Variants in KCNIP1 observed in about 807,000 individuals in gnomAD.
KCNIP1 encodes the protein A-type potassium channel modulatory protein KCNIP1.
KCNIP1 carries 18 observed loss-of-function variants against 33.0 expected under a neutral mutation model. That is an observed-to-expected ratio of 0.55 (90% CI 0.38 to 0.81). The LOEUF (loss-of-function observed/expected upper bound fraction) is 0.81. Ranked by LOEUF, KCNIP1 falls within the 30% of genes least tolerant of loss-of-function variation. The pLI, the probability that KCNIP1 is intolerant of heterozygous loss-of-function variation, is 0.00. For missense variants in KCNIP1, 238 were observed against 271.6 expected (o/e 0.88, Z 0.87); for synonymous variants, 93 against 98.3 (o/e 0.95, Z 0.32).
intron 1 of KCNIP1, among the ~76,000 whole-genome samples, chr5:170,482,768 T>A (rs1757003865): frequency 1.3e-5 from 2 of 152,174 alleles, no homozygotes; most frequent in African/African-American, 4.8e-5. Context: ...TGAGAGAGGT[T>A]TTTATTAGCT....
chr5:170,514,403 G>A lies in KCNIP1; in HGVS notation c.61+9770G>A, dbSNP rs148413407. Among the ~76,000 whole-genome samples the A allele has an allele frequency of 3.2e-3, 484 of 152,268 alleles. 6 individuals are homozygous for A. The East Asian group carries it at 0.033, about 10-fold the overall frequency. On this transcript the variant is annotated intron_variant, in intron 1 of 7. Transcript: ENST00000328939. ...TCTTCAGGAGGCTTCCCCACCCATCGAAATCAGGGCAGCAAGGGGCTCCCC... is the reference window on the plus strand; with the variant it reads ...TCTTCAGGAGGCTTCCCCACCCATCAAAATCAGGGCAGCAAGGGGCTCCCC...
chr5:170,732,399 C>T (rs1182009975), intron 5 of KCNIP1, among the ~76,000 whole-genome samples: 1 of 152,170 alleles, frequency 6.6e-6, no homozygotes, highest in African/African-American at 2.4e-5. Flanking sequence ...GCTGTTGGTT[C>T]ATTTTTCTTA....
chr5:170,612,695 G>A (rs376952503), intron 1 of KCNIP1, among the ~76,000 whole-genome samples: 8 of 152,200 alleles, frequency 5.3e-5, no homozygotes, highest in African/African-American at 1.4e-4. Context: ...CAGACGGATC[G>A]CCCTGCTCCA....
chr5:170,673,829 G>A (rs1456903730), intron 1 of KCNIP1, among the ~76,000 whole-genome samples: 3 of 152,118 alleles, frequency 2.0e-5, no homozygotes, highest in African/African-American at 7.2e-5. Flanking sequence ...AAAGCCTCAA[G>A]TTTTTAATCT....
chr5:170,636,604 T>C (rs1760292727), intron 1 of KCNIP1, among the ~76,000 whole-genome samples: 1 of 152,150 alleles, frequency 6.6e-6, no homozygotes, highest in South Asian at 2.1e-4. Context: ...TCTGAGCAGG[T>C]ATTTTCCATC....
chr5:170,708,055 T>A (rs1440646380), intron 1 of KCNIP1, among the ~76,000 whole-genome samples: 1 of 151,964 alleles, frequency 6.6e-6, no homozygotes. Context: ...AGCTGATGAG[T>A]TGTGTGCACT....
At chr5:170,381,552 T>C (rs1255274924) in intron 1 of KCNIP1, among the ~76,000 whole-genome samples, 4 of 152,194 alleles carry the variant, frequency 2.6e-5, no homozygotes, top group Non-Finnish European at 5.9e-5. Context: ...ACAACCCAGC[T>C]GCTTGGCAAA....
intron 1 of KCNIP1, among the ~76,000 whole-genome samples, chr5:170,356,554 A>T (rs1581103243): frequency 1.3e-5 from 2 of 152,204 alleles, no homozygotes; most frequent in East Asian, 3.8e-4. Context: ...ACCTGCTCAC[A>T]TATCTCATCA....
intron 1 of KCNIP1, among the ~76,000 whole-genome samples, chr5:170,608,509 C>T (rs772447706): frequency 9.2e-5 from 14 of 152,308 alleles, no homozygotes; most frequent in Middle Eastern, 3.4e-3. Context: ...CAGTGGCTCA[C>T]GCCAGTAATC....
At position 170,412,873 on chromosome 5, in the gene KCNIP1, T is replaced by C. The variant is rs530125760; in HGVS notation, c.88+58909T>C. 8.3e-4 allele frequency among the ~76,000 whole-genome samples: 127 copies of C among 152,258 alleles called. 2 individuals are homozygous for C. Among genetic ancestry groups the C allele is most frequent in the African/African-American group, 2.8e-3 (116 of 41,562 alleles). On this transcript the variant is annotated intron_variant, in intron 1 of 7. Coordinates refer to the KCNIP1 transcript ENST00000377360. ...ATCACCCTATTCAAATTTTCTTCTG[T>C]AGCCCCACCCCCTCATTTACACCAC...
rs190089791 is a variant in KCNIP1, at chr5:170,599,467, A to G, written c.61+94834A>G. 5.8e-3 allele frequency among the ~76,000 whole-genome samples: 879 copies of G among 152,266 alleles called. 10 individuals carry two copies. Among genetic ancestry groups the G allele is most frequent in the African/African-American group, 0.019 (774 of 41,550 alleles). Reference sequence around the variant, plus strand: ...GTCTTACTCAACCCTTCAGACTTACATACCCTGTGTATCAAGGAATGAGTC... The same window carrying G: ...GTCTTACTCAACCCTTCAGACTTACGTACCCTGTGTATCAAGGAATGAGTC... On this transcript the variant is annotated intron_variant, in intron 1 of 7. Coordinates refer to ENST00000328939, the MANE Select transcript of KCNIP1 (RefSeq NM_014592.4).
chr5:170,553,199 C>A (rs546164240), intron 1 of KCNIP1, among the ~76,000 whole-genome samples: 4 of 152,222 alleles, frequency 2.6e-5, no homozygotes, highest in Non-Finnish European at 5.9e-5. Flanking sequence ...ACACCTCTGT[C>A]GAATCATAAA....
chr5:170,381,937 G>A (rs1764258537), intron 1 of KCNIP1, among the ~76,000 whole-genome samples: 2 of 152,272 alleles, frequency 1.3e-5, no homozygotes, highest in South Asian at 4.1e-4. Flanking sequence ...AGTCATACTA[G>A]CGATGACAGA....
intron 1 of KCNIP1, among the ~76,000 whole-genome samples, chr5:170,455,343 CCTTCTT>C (rs534889653): frequency 5.3e-5 from 8 of 151,824 alleles, no homozygotes; most frequent in Non-Finnish European, 2.9e-5. Flanking sequence ...TTCTCCTTCT[CCTTCTT>C]CTTCTTCTTC....
At position 170,504,039 on chromosome 5, in the gene KCNIP1, G is replaced by A; in HGVS notation, c.-534G>A. ...CGCTCCGACTCTCGCCCCGAGCGCT[G>A]GCAGCAGGCAGCAGGCAGCAGGCGG... On this transcript the variant is annotated 5_prime_UTR_variant, in exon 1 of 8. Coordinates refer to ENST00000328939, the MANE Select transcript of KCNIP1 (RefSeq NM_014592.4). The surrounding 1 kb of genome is among the most constrained non-coding windows in gnomAD (Gnocchi z 6.0). 1 of 976,310 alleles carries A rather than the reference G, an allele frequency of 1.0e-6. No individual in the cohort carries two copies. The highest frequency in any genetic ancestry group is 1.2e-6 in the Non-Finnish European group (1 of 829,564). 60.5% of individuals were successfully genotyped at this position (976,310 alleles called of 1,614,324 possible).
chr5:170,561,685 A>G (rs1307223050), intron 1 of KCNIP1, among the ~76,000 whole-genome samples: 1 of 152,226 alleles, frequency 6.6e-6, no homozygotes, highest in East Asian at 1.9e-4. Flanking sequence ...ACGCCTATGC[A>G]CACACGGTGC....
intron 1 of KCNIP1, among the ~76,000 whole-genome samples, chr5:170,364,110 CCCACCTCAGCCTCCAGAG>C: frequency 1.3e-5 from 2 of 151,982 alleles, no homozygotes; most frequent in Non-Finnish European, 2.9e-5. Context: ...AAGCAATCCT[CCCACCTCAGCCTCCAGAG>C]TAGCTGAGAC....
At chr5:170,530,368 T>C (rs1755743788) in intron 1 of KCNIP1, among the ~76,000 whole-genome samples, 2 of 152,224 alleles carry the variant, frequency 1.3e-5, no homozygotes, top group African/African-American at 4.8e-5. Context: ...GTCCTCCCAG[T>C]AATACTATGA....
At chr5:170,419,422 C>T (rs747601445) in intron 1 of KCNIP1, among the ~76,000 whole-genome samples, 1 of 152,194 alleles carries the variant, frequency 6.6e-6, no homozygotes, top group African/African-American at 2.4e-5. Context: ...CCAGTCTAGA[C>T]TCTACCCATG....
Sources: gnomAD v4.1 joint callset for allele counts (sites outside exome capture counted in the v4.1 genomes callset) on GRCh38, gnomAD v4.1.1 for gene constraint, Gnocchi (gnomAD v3.1) non-coding constraint, MANE v1.5 for transcripts, NCBI Gene and HGNC (gene_info 2026-07-23, HGNC 2026-07-21) for gene names.